Variants in C8orf34 observed in about 807,000 individuals in gnomAD.
C8orf34 encodes chromosome 8 open reading frame 34.
In C8orf34, 65 loss-of-function variants were observed where a neutral mutation model predicts 68.3. The observed-to-expected ratio is 0.95, with a 90% CI of 0.78 to 1.17. The LOEUF is 1.17. Among genes scored for constraint, C8orf34 ranks in the 50% most tolerant of loss-of-function variants. The pLI is 0.00. For missense variants in C8orf34, 664 were observed against 655.4 expected, an observed-to-expected ratio of 1.01 and a Z score of -0.14; for synonymous variants, 244 against 241.2, an observed-to-expected ratio of 1.01 and a Z score of -0.11.
intron 7 of C8orf34, chr8:68,625,780 T>C: frequency 2.1e-6 from 1 of 477,278 alleles, no homozygotes; most frequent in Non-Finnish European, 3.7e-6. Flanking sequence ...TGAATTTGTC[T>C]CCAAATTTGA....
chr8:68,334,287 T>A (rs1437317357), intron 1 of C8orf34, among the ~76,000 whole-genome samples: 2 of 152,112 alleles, frequency 1.3e-5, no homozygotes, highest in Non-Finnish European at 2.9e-5. Context: ...TACAAAACTA[T>A]GCCTAAAAAT....
intron 7 of C8orf34, among the ~76,000 whole-genome samples, chr8:68,560,275 A>G (rs1165709422): frequency 1.4e-5 from 2 of 143,030 alleles, no homozygotes; most frequent in Non-Finnish European, 3.0e-5. Flanking sequence ...AGGAGTTTTC[A>G]TTTCTGATCA....
intron 6 of C8orf34, among the ~76,000 whole-genome samples, chr8:68,529,069 G>A (rs981442342): frequency 1.3e-5 from 2 of 152,096 alleles, no homozygotes; most frequent in African/African-American, 4.8e-5. Flanking sequence ...ATTCCCCTCA[G>A]CATGAAAGTA....
At chr8:68,657,834 G>A (rs770951097) in intron 8 of C8orf34, among the ~76,000 whole-genome samples, 3 of 152,190 alleles carry the variant, frequency 2.0e-5, no homozygotes, top group Non-Finnish European at 2.9e-5. Flanking sequence ...GAATAGGGAA[G>A]TTATTGCCAA....
At chr8:68,382,950 G>A (rs1808106263) in intron 1 of C8orf34, among the ~76,000 whole-genome samples, 2 of 152,132 alleles carry the variant, frequency 1.3e-5, no homozygotes, top group Non-Finnish European at 1.5e-5. Context: ...GGAGAAAGGG[G>A]GTTCCTCAGA....
intron 7 of C8orf34, chr8:68,534,250 C>T (rs1230257092): frequency 3.0e-6 from 3 of 985,128 alleles, no homozygotes; most frequent in Admixed American, 6.2e-5. Context: ...TGTATCATGG[C>T]GTTTTCATTA....
At chr8:68,454,385 C>T (rs563674180) in intron 3 of C8orf34, among the ~76,000 whole-genome samples, 1 of 152,126 alleles carries the variant, frequency 6.6e-6, no homozygotes, top group Admixed American at 6.5e-5. Flanking sequence ...AGGGAAGCCG[C>T]TTTATCCTGG....
intron 4 of C8orf34, among the ~76,000 whole-genome samples, chr8:68,480,369 C>CT (rs1393985884): frequency 1.3e-5 from 2 of 152,136 alleles, no homozygotes; most frequent in Non-Finnish European, 2.9e-5. Flanking sequence ...AATTAAACCT[C>CT]TTTTTGTTCC....
At chr8:68,787,616 A>G (rs1254196555) in intron 12 of C8orf34, 80 bp downstream of exon 12, 1 of 995,832 alleles carries the variant, frequency 1.0e-6, no homozygotes, top group Non-Finnish European at 1.5e-6. Context: ...CTTTCATAGC[A>G]ATAAACAACT....
chr8:68,527,642 G>C (rs1815068183), intron 6 of C8orf34, among the ~76,000 whole-genome samples: 1 of 152,204 alleles, frequency 6.6e-6, no homozygotes, highest in African/African-American at 2.4e-5. Flanking sequence ...TCCCAAGATT[G>C]ATAGCCGTTA....
At chr8:68,763,169 T>G (rs1823069871) in intron 10 of C8orf34, among the ~76,000 whole-genome samples, 1 of 152,226 alleles carries the variant, frequency 6.6e-6, no homozygotes, top group Non-Finnish European at 1.5e-5. Flanking sequence ...TGAATGAATT[T>G]GTAAACAAAA....
intron 8 of C8orf34, among the ~76,000 whole-genome samples, chr8:68,671,220 A>G (rs1183381238): frequency 1.3e-5 from 2 of 152,220 alleles, no homozygotes; most frequent in Non-Finnish European, 2.9e-5. Context: ...GACCTTTTGA[A>G]TCCACATATT....
chr8:68,404,611 A>G lies in C8orf34; in HGVS notation c.328-34888A>G, dbSNP rs182046827. Among the ~76,000 whole-genome samples, 925 of 152,210 alleles carry G rather than the reference A, an allele frequency of 6.1e-3. 6 individuals carry two copies. The highest frequency in any genetic ancestry group is 0.013 in the South Asian group (63 of 4,828). Reference sequence around the variant, plus strand: ...TGCATATGACTAGCCAGTTTTCCCAACACCATTTATTAAATAGGGAATCCT... The same window carrying G: ...TGCATATGACTAGCCAGTTTTCCCAGCACCATTTATTAAATAGGGAATCCT... On this transcript the variant is annotated intron_variant, in intron 1 of 13. Coordinates refer to ENST00000518698, the MANE Select transcript of C8orf34 (RefSeq NM_052958.4).
At chr8:68,564,508 C>T (rs984640756) in intron 7 of C8orf34, among the ~76,000 whole-genome samples, 1 of 152,104 alleles carries the variant, frequency 6.6e-6, no homozygotes, top group African/African-American at 2.4e-5. Flanking sequence ...TTTGCATAAA[C>T]TTCTTTGCTC....
intron 6 of C8orf34, among the ~76,000 whole-genome samples, chr8:68,528,653 C>A (rs1376113483): frequency 6.6e-6 from 1 of 152,188 alleles, no homozygotes. Context: ...TTCACGACCA[C>A]CAAACTCCAG....
intron 3 of C8orf34, among the ~76,000 whole-genome samples, chr8:68,448,637 G>T (rs1467001134): frequency 6.6e-6 from 1 of 151,974 alleles, no homozygotes; most frequent in Non-Finnish European, 1.5e-5. Flanking sequence ...GGGAAACAAA[G>T]AACAGATTGG....
intron 1 of C8orf34, among the ~76,000 whole-genome samples, chr8:68,371,499 CAAA>C (rs1807560552): frequency 6.6e-6 from 1 of 151,888 alleles, no homozygotes; most frequent in African/African-American, 2.4e-5. Context: ...CTATAAGAAA[CAAA>C]AGATTATTTT....
rs574471301 is a variant in C8orf34, at chr8:68,572,106, G to A, written c.1105+38957G>A. Reference sequence around the variant, plus strand: ...TAATATAATGGCAAGTATAATATTTGTGTATCTAAACACACCTAAACATAG... The same window carrying A: ...TAATATAATGGCAAGTATAATATTTATGTATCTAAACACACCTAAACATAG... On this transcript the variant is annotated intron_variant, in intron 7 of 13. Transcript: ENST00000518698. 2.2e-4 allele frequency among the ~76,000 whole-genome samples: 34 copies of A among 152,074 alleles called. No homozygotes were observed. In the East Asian group the frequency reaches 6.6e-3, roughly 29 times the overall value.
At chr8:68,421,829 C>T (rs547472525) in intron 1 of C8orf34, among the ~76,000 whole-genome samples, 1 of 152,320 alleles carries the variant, frequency 6.6e-6, no homozygotes, top group South Asian at 2.1e-4. Context: ...AATTGACTTA[C>T]AGCCTGCATG....
Sources: gnomAD v4.1 joint callset for allele counts (sites outside exome capture counted in the v4.1 genomes callset) on GRCh38, gnomAD v4.1.1 for gene constraint, MANE v1.5 for transcripts, NCBI Gene and HGNC (gene_info 2026-07-23, HGNC 2026-07-21) for gene names.